Variants in C2 observed in about 807,000 individuals in gnomAD.
C2 encodes complement C2, also known as C3/C5 convertase.
Under a neutral mutation model 85.2 loss-of-function variants are expected in C2, and 64 were observed. The observed-to-expected ratio is 0.75, with a 90% CI of 0.61 to 0.92. The LOEUF (loss-of-function observed/expected upper bound fraction) is 0.92, where lower values mean the gene tolerates loss of function less well. Among genes scored for constraint, C2 ranks in the 40% least tolerant of loss-of-function variants. The pLI is 0.00. For missense variants in C2, 820 were observed against 971.6 expected (o/e 0.84, Z 2.07); for synonymous variants, 311 against 370.8 (o/e 0.84, Z 1.85).
intron 1 of C2, among the ~76,000 whole-genome samples, chr6:31,908,137 C>T (rs1767848667): frequency 6.7e-6 from 1 of 149,858 alleles, no homozygotes; most frequent in South Asian, 2.1e-4. Context: ...TGAGCCGCAG[C>T]ACCCGGCCAT....
At chr6:31,937,773 C>T (rs1049387029) in intron 8 of C2, among the ~76,000 whole-genome samples, 1 of 151,246 alleles carries the variant, frequency 6.6e-6, no homozygotes, top group Non-Finnish European at 1.5e-5. Flanking sequence ...GAGGCCAAAG[C>T]GGGTGGATCA....
chr6:31,919,450 T>C (rs374896027), upstream of C2, among the ~76,000 whole-genome samples: 2 of 152,314 alleles, frequency 1.3e-5, no homozygotes, highest in African/African-American at 4.8e-5. Context: ...TGGCCTTGAA[T>C]AGGTATCATA....
At chr6:31,940,596 T>TCCTTG (rs1770803132) in intron 9 of C2, among the ~76,000 whole-genome samples, 1 of 152,124 alleles carries the variant, frequency 6.6e-6, no homozygotes, top group Non-Finnish European at 1.5e-5. Flanking sequence ...TCCTCTCCTT[T>TCCTTG]CCATTCACAC....
chr6:31,908,191 C>T (rs1350040112), intron 1 of C2, among the ~76,000 whole-genome samples: 5 of 150,298 alleles, frequency 3.3e-5, no homozygotes, highest in East Asian at 2.0e-4. Context: ...TGGGTCTTCC[C>T]GTGTTGCCCA....
At position 31,927,827 on chromosome 6, in the gene C2, G is replaced by A. The variant is rs776083836; in HGVS notation, c.46+29G>A. On this transcript the variant is annotated intron_variant, in intron 1 of 17. Coordinates refer to ENST00000299367, the MANE Select transcript of C2 (RefSeq NM_000063.6). This position sits in a 1 kb window ranked among gnomAD's most constrained non-coding sequence, Gnocchi z 4.7. Reference sequence around the variant, plus strand: ...GGAGGCAGGGAAGGGGGAACGTCAGGGTCCTGTGTGTGAGGTTGGTGCTCC... The same window carrying A: ...GGAGGCAGGGAAGGGGGAACGTCAGAGTCCTGTGTGTGAGGTTGGTGCTCC... The A allele has an allele frequency of 6.2e-7, 1 of 1,610,420 alleles. No individual in the cohort carries two copies. The highest frequency in any genetic ancestry group is 1.1e-5 in the South Asian group (1 of 91,004).
intron 9 of C2, chr6:31,941,814 CTTTTTTTTTTTT>C (rs9281643): frequency 1.0e-5 from 1 of 96,698 alleles, no homozygotes; most frequent in African/African-American, 4.5e-5. Flanking sequence ...AGCCAGTTCA[CTTTTTTTTTTTT>C]TTTTTTTTTT....
chr6:31,943,689 C>G lies in C2; in HGVS notation c.1613C>G (p.Ala538Gly), dbSNP rs140194348. Reference sequence around the variant, plus strand: ...GGCAAAGAATTCCTTATTGAGAAGGCGGTGATCTCCCCAGGGTTTGATGTC... The same window carrying G: ...GGCAAAGAATTCCTTATTGAGAAGGGGGTGATCTCCCCAGGGTTTGATGTC... ...QWGKEFLIEK[A>G]VISPGFDVFA... Residue 538 changes from alanine (A) to glycine (G), a missense_variant, in exon 13 of 18, where the codon GCG (alanine) becomes GGG (glycine). Physicochemically the swap from Ala to Gly is moderately conservative, Grantham distance 60. Coordinates refer to ENST00000299367, the MANE Select transcript of C2 (RefSeq NM_000063.6). The surrounding 1 kb of genome is among the most constrained non-coding windows in gnomAD (Gnocchi z 6.4). 1 of 1,613,008 alleles carries G rather than the reference C, an allele frequency of 6.2e-7. No homozygotes were observed. Among genetic ancestry groups the G allele is most frequent in the Admixed American group, 1.7e-5 (1 of 60,024 alleles).
intron 3 of C2, among the ~76,000 whole-genome samples, chr6:31,931,018 CT>C (rs1769695003): frequency 6.6e-6 from 1 of 152,182 alleles, no homozygotes; most frequent in Non-Finnish European, 1.5e-5. Flanking sequence ...GACTAGGTAC[CT>C]TGTGCTTACA....
chr6:31,899,052 G>C (rs915098249), upstream of C2, among the ~76,000 whole-genome samples: 10 of 151,272 alleles, frequency 6.6e-5, no homozygotes, highest in Non-Finnish European at 1.3e-4. Flanking sequence ...TGTACACGCA[G>C]TTGCCAGAGT....
upstream of C2, among the ~76,000 whole-genome samples, chr6:31,917,667 A>T (rs1285895542): frequency 6.6e-6 from 1 of 152,102 alleles, no homozygotes; most frequent in African/African-American, 2.4e-5. Context: ...GCACTTTGGG[A>T]GGCTGAGGTA....
Position 31,943,986 on chromosome 6 carries a change from G to A in C2, c.1803G>A (p.Arg601=). 1 of 1,612,930 alleles carries A rather than the reference G, an allele frequency of 6.2e-7. No homozygotes were observed. ...GGAGACCTCAAGGCAGCACCTGTAG[G>A]GACCATGGTGAGTGCTGGGACTTAT... The part of the protein sequence containing the change: ...ALRRPQGSTC[R]DHENELLNKQ... Residue 601 remains arginine, a synonymous_variant, in exon 14 of 18, where the codon AGG becomes AGA. Coordinates refer to ENST00000299367, the MANE Select transcript of C2 (RefSeq NM_000063.6). The surrounding 1 kb of genome is among the most constrained non-coding windows in gnomAD (Gnocchi z 6.4).
intron 1 of C2, among the ~76,000 whole-genome samples, chr6:31,908,007 C>T (rs896559490): frequency 6.6e-6 from 1 of 151,636 alleles, no homozygotes; most frequent in African/African-American, 2.4e-5. Context: ...CCACCACGCC[C>T]AGCTAATGTT....
At chr6:31,901,422 A>G in intron 1 of C2, 1 of 1,136,336 alleles carries the variant, frequency 8.8e-7, no homozygotes, top group Non-Finnish European at 1.2e-6. Flanking sequence ...GCCCCCCGGC[A>G]TCCGATCTCC....
chr6:31,897,910 A>T, upstream of C2: 32 of 1,040,124 alleles, frequency 3.1e-5, no homozygotes, highest in East Asian at 3.9e-4. Flanking sequence ...GCCTGGGCCC[A>T]GGTGTGGCGT....
Sources: gnomAD v4.1 joint callset for allele counts (sites outside exome capture counted in the v4.1 genomes callset) on GRCh38, gnomAD v4.1.1 for gene constraint, Gnocchi (gnomAD v3.1) non-coding constraint, MANE v1.5 for transcripts, NCBI Gene and HGNC (gene_info 2026-07-23, HGNC 2026-07-21) for gene names.